HSPBP1: variants seen among roughly 807,000 people sequenced by gnomAD.
HSPBP1 encodes hsp70-binding protein 1.
HSPBP1 carries 31 observed loss-of-function variants against 41.7 expected under a neutral mutation model. That is an observed-to-expected ratio of 0.74 (90% CI 0.56 to 1.00). The LOEUF is 1.00. HSPBP1 is among the 50% of genes least tolerant of loss of function. The pLI, the probability that HSPBP1 is intolerant of heterozygous loss-of-function variation, is 0.00. For missense variants in HSPBP1, 439 were observed against 487.9 expected (o/e 0.90, Z 0.94); for synonymous variants, 199 against 214.4 (o/e 0.93, Z 0.63).
Position 55,266,212 on chromosome 19 carries a change from T to C in HSPBP1, c.715A>G (p.Met239Val). The C allele has an allele frequency of 6.3e-7, 1 of 1,584,522 alleles. No individual in the cohort carries two copies. Among genetic ancestry groups the C allele is most frequent in the Non-Finnish European group, 8.6e-7 (1 of 1,165,600 alleles). The change falls in exon 5 of 8, where the codon ATG becomes GTG. Residue 239 changes from methionine (M) to valine (V), a missense_variant. By Grantham distance (21) the Met-to-Val change is conservative. Coordinates refer to ENST00000433386, the MANE Select transcript of HSPBP1 (RefSeq NM_012267.5). ...LDGFSVLMRA[M>V]QQQVQKLKVK... ...TTGAGCTTCTGCACCTGCTGCTGCATGGCCCTCATCAACACAGAGAAGCCG... is the reference window on the plus strand; with the variant it reads ...TTGAGCTTCTGCACCTGCTGCTGCACGGCCCTCATCAACACAGAGAAGCCG...
intron 4 of HSPBP1, among the ~76,000 whole-genome samples, chr19:55,271,179 T>C (rs1298826570): frequency 2.6e-5 from 4 of 152,248 alleles, no homozygotes; most frequent in African/African-American, 4.8e-5. Context: ...TGGTGAACGA[T>C]GTGACTGTCT....
At chr19:55,274,760 T>A in intron 3 of HSPBP1, 138 bp from the exon 4 acceptor site, 1 of 727,568 alleles carries the variant, frequency 1.4e-6, no homozygotes, top group East Asian at 2.7e-5. Flanking sequence ...AAAGAGATCA[T>A]TAAGGTAAAA....
rs148723334 is a variant in HSPBP1, at chr19:55,265,986, G to T, written c.797-4C>A. On this transcript the variant is annotated splice_region_variant and splice_polypyrimidine_tract_variant and intron_variant, in intron 5 of 7. Transcript: ENST00000433386. ...ATCCCCATGGAGCACAGGGTCCCTG[G>T]GGGGAGGGCTGCAGGGGTCAGAGGG... 56 of 1,596,954 alleles carry T rather than the reference G, an allele frequency of 3.5e-5. No homozygotes were observed. The highest frequency in any genetic ancestry group is 4.6e-5 in the Non-Finnish European group (54 of 1,173,426).
intron 3 of HSPBP1, among the ~76,000 whole-genome samples, chr19:55,276,620 G>A (rs2088079529): frequency 6.6e-6 from 1 of 152,206 alleles, no homozygotes. Context: ...CACAGCAGCT[G>A]CTCAACAGAT....
At position 55,274,139 on chromosome 19, in the gene HSPBP1, G is replaced by A. The variant is rs141090481; in HGVS notation, c.640+259C>T. 7.2e-5 allele frequency among the ~76,000 whole-genome samples: 11 copies of A among 152,158 alleles called. No individual in the cohort carries two copies. In the East Asian group the frequency reaches 1.9e-3, roughly 27 times the overall value. On this transcript the variant is annotated intron_variant, in intron 4 of 7. Coordinates refer to ENST00000433386, the MANE Select transcript of HSPBP1 (RefSeq NM_012267.5). ...GTGAACAGTGCCCAGCTGAAAAACT[G>A]CTGTGTGCAAAGCGCTCACGCTGAG...
At chr19:55,269,111 G>A (rs1376190871) in intron 4 of HSPBP1, among the ~76,000 whole-genome samples, 2 of 151,950 alleles carry the variant, frequency 1.3e-5, no homozygotes, top group African/African-American at 2.4e-5. Context: ...TCCCCTTTAC[G>A]CCAGGGTTTC....
At chr19:55,279,799 C>T (rs2088184613) in intron 1 of HSPBP1, 97 bp from the exon 2 acceptor site, 2 of 1,374,694 alleles carry the variant, frequency 1.5e-6, no homozygotes, top group Non-Finnish European at 9.9e-7. Context: ...CTTTTCCTTC[C>T]TTCATACCCA....
chr19:55,278,440 T>C (rs1416089318), intron 2 of HSPBP1, among the ~76,000 whole-genome samples: 1 of 152,226 alleles, frequency 6.6e-6, no homozygotes, highest in African/African-American at 2.4e-5. Flanking sequence ...TAATGCTCTG[T>C]ATACAGTAAT....
intron 3 of HSPBP1, among the ~76,000 whole-genome samples, 179 bp downstream of exon 3, chr19:55,277,463 T>G (rs1020611340): frequency 1.3e-5 from 2 of 150,176 alleles, no homozygotes; most frequent in African/African-American, 4.9e-5. Flanking sequence ...AGTGGGGGAC[T>G]CCACCTGCCA....
At chr19:55,263,377 G>A (rs182295905) in intron 7 of HSPBP1, among the ~76,000 whole-genome samples, 18 of 152,334 alleles carry the variant, frequency 1.2e-4, no homozygotes, top group African/African-American at 4.1e-4. Flanking sequence ...CTCATGACTG[G>A]AGTGTCAATG....
At chr19:55,279,777 T>A in intron 1 of HSPBP1, 75 bp from the exon 2 acceptor site, 1 of 1,478,628 alleles carries the variant, frequency 6.8e-7, no homozygotes, top group Non-Finnish European at 9.1e-7. Context: ...CCAGCCCACT[T>A]AACCACAGCC....
At chr19:55,274,983 T>C (rs1204048029) in intron 3 of HSPBP1, among the ~76,000 whole-genome samples, 2 of 152,210 alleles carry the variant, frequency 1.3e-5, no homozygotes, top group South Asian at 4.1e-4. Flanking sequence ...AATACATTTC[T>C]GTTTTTAAAG....
Position 55,265,378 on chromosome 19 carries a change from T to G in HSPBP1, c.905A>C (p.Asp302Ala). 1.2e-6 allele frequency: 2 copies of G among 1,613,064 alleles called. No individual in the cohort carries two copies. Among genetic ancestry groups the G allele is most frequent in the Non-Finnish European group, 1.7e-6 (2 of 1,179,732 alleles). ...ACACTCGCGCACACCCTGCGGAAAG[T>G]CTGTCACCAGGCTGTGAGGGACATG... The part of the protein sequence containing the change: ...VLGALCSLVT[D>A]FPQGVRECRE... Residue 302 changes from aspartate (D) to alanine (A), a missense_variant, in exon 7 of 8, where the codon GAC becomes GCC. Asp to Ala is a moderately radical substitution (Grantham distance 126). Transcript: ENST00000433386.
At chr19:55,278,934 A>AAC (rs2088152466) in intron 2 of HSPBP1, among the ~76,000 whole-genome samples, 1 of 151,472 alleles carries the variant, frequency 6.6e-6, no homozygotes, top group Non-Finnish European at 1.5e-5. Context: ...AAAAAAAAAA[A>AAC]AAAAAAACAG....
Position 55,262,377 on chromosome 19 carries a change from A to T in HSPBP1, c.*231T>A. ...GGAGGAAGAGAAACACCTTTATTGGAAGAGCTGTGTGGACAAGAGAACGGG... is the reference window on the plus strand; with the variant it reads ...GGAGGAAGAGAAACACCTTTATTGGTAGAGCTGTGTGGACAAGAGAACGGG... On this transcript the variant is annotated 3_prime_UTR_variant, in exon 8 of 8. Coordinates refer to ENST00000433386, the MANE Select transcript of HSPBP1 (RefSeq NM_012267.5). The T allele has an allele frequency of 7.4e-7, 1 of 1,357,468 alleles. No homozygotes were observed. The highest frequency in any genetic ancestry group is 1.8e-5 in the South Asian group (1 of 55,370). The allele number at this position is 1,357,468 out of a possible 1,614,324, so 84.1% of individuals were successfully genotyped here.
Position 55,262,861 on chromosome 19 carries a change from G to C in HSPBP1, c.1006-179C>G, listed in dbSNP as rs182234125. On this transcript the variant is annotated intron_variant, in intron 7 of 7. Transcript: ENST00000433386. ...TCCATGATTCACTGTCTTCACACTG[G>C]TGTCTGAACTACTTGAACTAGAACC... Among the ~76,000 whole-genome samples, 344 of 152,232 alleles carry C rather than the reference G, an allele frequency of 2.3e-3. 2 individuals are homozygous for C. The highest frequency in any genetic ancestry group is 8.0e-3 in the African/African-American group (332 of 41,538).
At chr19:55,263,038 C>T (rs1177426100) in intron 7 of HSPBP1, among the ~76,000 whole-genome samples, 1 of 151,952 alleles carries the variant, frequency 6.6e-6, no homozygotes, top group Non-Finnish European at 1.5e-5. Context: ...GGTTAAACTA[C>T]GTAATATAAA....
At position 55,272,686 on chromosome 19, in the gene HSPBP1, C is replaced by T. The variant is rs2087955140; in HGVS notation, c.640+1712G>A. On this transcript the variant is annotated intron_variant, in intron 4 of 7. Transcript: ENST00000433386. This position sits in a 1 kb window ranked among gnomAD's most constrained non-coding sequence, Gnocchi z 4.2. ...TGAAACCCCGTCTCTACTAAAAATACAAAAATTAGCCGGGCGCGGTGGCGG... is the reference window on the plus strand; with the variant it reads ...TGAAACCCCGTCTCTACTAAAAATATAAAAATTAGCCGGGCGCGGTGGCGG... 6.6e-6 allele frequency among the ~76,000 whole-genome samples: 1 copy of T among 151,716 alleles called. No homozygotes were observed. The highest frequency in any genetic ancestry group is 2.4e-5 in the African/African-American group (1 of 41,290).
rs2087840751 is a variant in HSPBP1 at position 55,268,383 on chromosome 19, TTG to T, written c.641-2099_641-2098del. ...AGGTGGAGGTTGCAGTGAGCCGAGATTGCGCCATTACACTCCAGCCTGAGCAA... is the reference window on the plus strand; with the variant it reads ...AGGTGGAGGTTGCAGTGAGCCGAGATCGCCATTACACTCCAGCCTGAGCAA... On this transcript the variant is annotated intron_variant, in intron 4 of 7. Transcript: ENST00000433386. The surrounding 1 kb of genome is among the most constrained non-coding windows in gnomAD (Gnocchi z 4.5). 6.6e-6 allele frequency among the ~76,000 whole-genome samples: 1 copy of T among 152,078 alleles called. No individual in the cohort carries two copies. Among genetic ancestry groups the T allele is most frequent in the Non-Finnish European group, 1.5e-5 (1 of 68,016 alleles).
Sources: gnomAD v4.1 joint callset for allele counts (sites outside exome capture counted in the v4.1 genomes callset) on GRCh38, gnomAD v4.1.1 for gene constraint, Gnocchi (gnomAD v3.1) non-coding constraint, MANE v1.5 for transcripts, NCBI Gene and HGNC (gene_info 2026-07-23, HGNC 2026-07-21) for gene names.